The following SETDB1 variants were observed in gnomAD, a reference collection of about 807,000 sequenced individuals.
SETDB1 encodes SET domain bifurcated histone lysine methyltransferase 1, also known as histone-lysine N-methyltransferase SETDB1.
A neutral mutation model predicts 137.4 loss-of-function variants in SETDB1; 31 were observed. That is an observed-to-expected ratio of 0.23 (90% CI 0.17 to 0.30). The LOEUF (loss-of-function observed/expected upper bound fraction) is 0.30, where lower values mean the gene tolerates loss of function less well. SETDB1 is among the 10% of genes least tolerant of loss of function. The pLI, the probability that SETDB1 is intolerant of heterozygous loss-of-function variation, is 1.00. For synonymous variants in SETDB1, 548 were observed against 579.9 expected, an observed-to-expected ratio of 0.95 and a Z score of 0.79; for missense variants, 1,113 against 1,631.5, an observed-to-expected ratio of 0.68 and a Z score of 5.47.
At chr1:150,957,915 G>A (rs1670696070) in intron 14 of SETDB1, among the ~76,000 whole-genome samples, 1 of 152,168 alleles carries the variant, frequency 6.6e-6, no homozygotes, top group African/African-American at 2.4e-5. Flanking sequence ...GGCTGGGCAC[G>A]GTGGCTCACA....
chr1:150,934,295 A>G (rs1443138248), intron 3 of SETDB1, among the ~76,000 whole-genome samples: 2 of 151,282 alleles, frequency 1.3e-5, no homozygotes, highest in Non-Finnish European at 2.9e-5. Flanking sequence ...ACACGGTGAA[A>G]CCCCGTCTCT....
chr1:150,942,170 G>C (rs1255527571), intron 5 of SETDB1, among the ~76,000 whole-genome samples: 2 of 149,964 alleles, frequency 1.3e-5, no homozygotes, highest in African/African-American at 4.9e-5. Flanking sequence ...GCCGGGCACA[G>C]TGGCTCATGC....
At chr1:150,951,593 T>TA in intron 14 of SETDB1, 112 bp downstream of exon 14, 1 of 584,304 alleles carries the variant, frequency 1.7e-6, no homozygotes, top group Non-Finnish European at 3.1e-6. Context: ...AAAAATAGAA[T>TA]ACCAGATGAG....
intron 12 of SETDB1, 53 bp from the exon 13 acceptor site, chr1:150,950,405 T>A: frequency 6.8e-7 from 1 of 1,479,430 alleles, no homozygotes. Context: ...GGGTTAATTA[T>A]AAAACAGAGG....
chr1:150,957,210 A>G (rs113800885), intron 14 of SETDB1, among the ~76,000 whole-genome samples: 1,798 of 152,118 alleles, frequency 0.012, 26 homozygotes, highest in African/African-American at 0.041. Context: ...CCTGTCTCCA[A>G]TACAAAAATT....
intron 15 of SETDB1, among the ~76,000 whole-genome samples, 187 bp downstream of exon 15, chr1:150,959,534 T>A (rs997848647): frequency 2.0e-5 from 3 of 152,062 alleles, no homozygotes; most frequent in African/African-American, 7.3e-5. Flanking sequence ...GACACAAGTG[T>A]TTCACAAATA....
At position 150,927,567 on chromosome 1, in the gene SETDB1, G is replaced by A. The variant is rs1360761822; in HGVS notation, c.-11-137G>A. On this transcript the variant is annotated intron_variant, in intron 1 of 21. Coordinates refer to ENST00000692827, the MANE Select transcript of SETDB1 (RefSeq NM_001366418.1). ...TCTCAGCATCAGATTCTGGAGAATA[G>A]GGAGGGAGAACATGGAATATTTGAA... 8 of 724,288 alleles carry A rather than the reference G, an allele frequency of 1.1e-5. No individual in the cohort carries two copies. The South Asian group carries it at 1.3e-4, about 12-fold the overall frequency. 44.9% of individuals were successfully genotyped at this position (724,288 alleles called of 1,614,324 possible).
chr1:150,934,341 C>T (rs960016352), intron 3 of SETDB1, among the ~76,000 whole-genome samples: 14 of 151,904 alleles, frequency 9.2e-5, no homozygotes, highest in Non-Finnish European at 1.8e-4. Context: ...GGCGTAGTGG[C>T]GGGCACCTGT....
intron 18 of SETDB1, 116 bp downstream of exon 18, chr1:150,962,835 TC>T (rs1343284286): frequency 6.9e-7 from 1 of 1,453,616 alleles, no homozygotes; most frequent in East Asian, 2.3e-5. Context: ...AGCCTTGACT[TC>T]CTGCCTTATT....
intron 18 of SETDB1, 115 bp from the exon 19 acceptor site, chr1:150,962,859 G>A: frequency 6.9e-7 from 1 of 1,456,400 alleles, no homozygotes; most frequent in Non-Finnish European, 9.4e-7. Flanking sequence ...CTTTCATCCA[G>A]CATCTAATCT....
chr1:150,931,261 C>CAAAAAAAAAAAAAAA lies in SETDB1; in HGVS notation c.412+1149_412+1163dup, dbSNP rs767694682. ...GGTGACAAAGCAAGACTCTTGTCTTCAAAAAAAAAAAAAAAAAAAAGGGTT... is the reference window on the plus strand; with the variant it reads ...GGTGACAAAGCAAGACTCTTGTCTTCAAAAAAAAAAAAAAAAAAAAAAAAAAAAAAAAAAAGGGTT... On this transcript the variant is annotated intron_variant, in intron 3 of 21. Transcript: ENST00000692827. Among the ~76,000 whole-genome samples, 219 of 67,496 alleles carry CAAAAAAAAAAAAAAA rather than the reference C, an allele frequency of 3.2e-3. 5 individuals carry two copies. The highest frequency in any genetic ancestry group is 7.3e-3 in the African/African-American group (166 of 22,790). 44.3% of individuals were successfully genotyped at this position (67,496 alleles called of 152,430 possible).
chr1:150,944,136 A>G, intron 8 of SETDB1, 143 bp downstream of exon 8: 1 of 670,442 alleles, frequency 1.5e-6, no homozygotes, highest in Non-Finnish European at 2.7e-6. Context: ...TTGCTCCCAA[A>G]GGTCAGTTTG....
chr1:150,950,344 T>G, intron 12 of SETDB1, 114 bp from the exon 13 acceptor site: 1 of 917,960 alleles, frequency 1.1e-6, no homozygotes, highest in Non-Finnish European at 1.7e-6. Context: ...CATCTTTAGC[T>G]TCAGGAGCAC....
intron 14 of SETDB1, among the ~76,000 whole-genome samples, chr1:150,958,254 C>CTTTTTTTTTTTTTTTT (rs374122454): frequency 5.5e-4 from 52 of 94,062 alleles, no homozygotes; most frequent in Non-Finnish European, 7.0e-4. Flanking sequence ...TTTCTTTTTT[C>CTTTTTTTTTTTTTTTT]TTTTTTTTTT....
chr1:150,931,501 C>T (rs1310526857), intron 3 of SETDB1, among the ~76,000 whole-genome samples: 1 of 151,144 alleles, frequency 6.6e-6, no homozygotes, highest in Non-Finnish European at 1.5e-5. Flanking sequence ...AGGAGAATGG[C>T]GTGAACCCAG....
rs185244961 is a variant in SETDB1 at position 150,949,488 on chromosome 1, G to T, written c.1546G>T (p.Val516Phe). 4.3e-6 allele frequency: 7 copies of T among 1,613,976 alleles called. No homozygotes were observed. The highest frequency in any genetic ancestry group is 5.1e-6 in the Non-Finnish European group (6 of 1,180,024). Residue 516 changes from valine to phenylalanine, a missense_variant, in exon 12 of 22, where the codon GTC becomes TTC. Around this residue, in one of 11 missense-constraint regions of SETDB1, gnomAD observed 192 missense variants for 198.1 expected, o/e 0.97. Coordinates refer to ENST00000692827, the MANE Select transcript of SETDB1 (RefSeq NM_001366418.1). ...TACATCTCCTGCACTCAGTGAAAAT[G>T]TCTCTGGTGGGAAACCTGGGATCAA... ...SPTSPALSEN[V>F]SGGKPGINQT...
chr1:150,958,139 C>T (rs1294955303), intron 14 of SETDB1, among the ~76,000 whole-genome samples: 4 of 147,992 alleles, frequency 2.7e-5, no homozygotes, highest in Non-Finnish European at 4.5e-5. Flanking sequence ...GCTGAGATTG[C>T]GCCATTGCAC....
At position 150,950,510 on chromosome 1, in the gene SETDB1, C is replaced by T; in HGVS notation, c.1636C>T (p.Pro546Ser). ...SAPAPSALPAPPAPPVFHGML... is the reference protein window; with the variant it reads ...SAPAPSALPASPAPPVFHGML... ...CCCAGCACCCTCAGCACTCCCGGCC[C>T]CTCCAGCACCCCCAGTCTTCCATGG... Residue 546 changes from proline to serine, a missense_variant, in exon 13 of 22, where the codon CCT (proline) becomes TCT (serine). Physicochemically the swap from Pro to Ser is moderately conservative, Grantham distance 74 (BLOSUM62 -1). This residue lies in a region of SETDB1 where 192 missense variants were observed against 198.1 expected (regional missense o/e 0.97). Coordinates refer to ENST00000692827, the MANE Select transcript of SETDB1 (RefSeq NM_001366418.1). 1 of 1,613,434 alleles carries T rather than the reference C, an allele frequency of 6.2e-7. No individual in the cohort carries two copies. The highest frequency in any genetic ancestry group is 8.5e-7 in the Non-Finnish European group (1 of 1,179,602).
chr1:150,949,595 G>C, intron 12 of SETDB1, 70 bp downstream of exon 12: 4 of 1,404,636 alleles, frequency 2.8e-6, no homozygotes, highest in Admixed American at 1.9e-5. Flanking sequence ...AAGGTTCCTT[G>C]GCTGTAAGCG....
Sources: gnomAD v4.1 joint callset for allele counts (sites outside exome capture counted in the v4.1 genomes callset) on GRCh38, gnomAD v4.1.1 for gene constraint, gnomAD v4.1.1 regional missense constraint, MANE v1.5 for transcripts, NCBI Gene and HGNC (gene_info 2026-07-23, HGNC 2026-07-21) for gene names.